Variants in SHROOM4 observed in about 807,000 individuals in gnomAD.
SHROOM4 encodes the protein protein Shroom4.
Under a neutral mutation model 80.3 loss-of-function variants are expected in SHROOM4, and 17 were observed. The observed-to-expected ratio is 0.21, with a 90% CI of 0.14 to 0.32. The LOEUF is 0.32. SHROOM4 is among the 10% of genes least tolerant of loss of function. SHROOM4 has a pLI of 1.00. For synonymous variants in SHROOM4, 400 were observed against 437.5 expected, an observed-to-expected ratio of 0.91 and a Z score of 1.07; for missense variants, 993 against 1,140.3, an observed-to-expected ratio of 0.87 and a Z score of 1.86.
chrX:50,784,696 C>T (rs1225864795), intron 1 of SHROOM4, among the ~76,000 whole-genome samples: 5 of 111,422 alleles, frequency 4.5e-5, no homozygotes, highest in East Asian at 2.8e-4. Context: ...ATAGTTACAT[C>T]GGTTAAGGCA....
At chrX:50,748,998 C>T (rs183496683) in intron 1 of SHROOM4, among the ~76,000 whole-genome samples, 252 of 112,286 alleles carry the variant, frequency 2.2e-3, no homozygotes, top group Middle Eastern at 9.3e-3. Flanking sequence ...ATTGCTTGAG[C>T]TCTGCAGTTC....
intron 2 of SHROOM4, among the ~76,000 whole-genome samples, chrX:50,641,446 C>T (rs1486803189): frequency 8.9e-6 from 1 of 111,969 alleles, no homozygotes; most frequent in Non-Finnish European, 1.9e-5. Flanking sequence ...GCCTGATGCA[C>T]AGCAAGTGGT....
chrX:50,744,006 G>A (rs1934723763), intron 1 of SHROOM4, among the ~76,000 whole-genome samples: 1 of 111,268 alleles, frequency 9.0e-6, no homozygotes, highest in Admixed American at 9.6e-5. Flanking sequence ...TATGTGATAA[G>A]TCATTTTCCT....
intron 8 of SHROOM4, 41 bp from the exon 9 acceptor site, chrX:50,597,005 C>T: frequency 8.4e-7 from 1 of 1,194,053 alleles, no homozygotes; most frequent in Non-Finnish European, 1.1e-6. Context: ...TCTCAATTAC[C>T]AGGCATCTGT....
At chrX:50,641,630 G>A (rs1275840953) in intron 2 of SHROOM4, among the ~76,000 whole-genome samples, 2 of 74,699 alleles carry the variant, frequency 2.7e-5, no homozygotes, top group Non-Finnish European at 5.2e-5. Flanking sequence ...TTTTTTTTTT[G>A]AGACGAAGTC....
chrX:50,668,267 TGG>T (rs1932752469), intron 2 of SHROOM4, among the ~76,000 whole-genome samples: 1 of 111,220 alleles, frequency 9.0e-6, no homozygotes, highest in East Asian at 2.9e-4. Flanking sequence ...GGCGGCCTAG[TGG>T]GGTGTTAGAA....
chrX:50,610,352 T>TCTCTCACACACACACACACACACA (rs782591424), intron 5 of SHROOM4, among the ~76,000 whole-genome samples: 1 of 91,720 alleles, frequency 1.1e-5, no homozygotes, highest in African/African-American at 4.6e-5. Flanking sequence ...TCTCTCTCTC[T>TCTCTCACACACACACACACACACA]CACACACACA....
Position 50,634,756 on chromosome X carries a change from T to C in SHROOM4, c.1317A>G (p.Val439=). Residue 439 remains valine, a synonymous_variant, in exon 4 of 9, where the codon GTA becomes GTG. Transcript: ENST00000376020. The part of the protein sequence containing the change: ...RGSKGMELPP[V]QDGHQWTLSP... ...ACAGAGTCCACTGGTGCCCATCCTG[T>C]ACGGGTGGGAGCTCCATCCCTTTGC... 1 of 1,211,583 alleles carries C rather than the reference T, an allele frequency of 8.3e-7. No individual in the cohort carries two copies. The highest frequency in any genetic ancestry group is 1.7e-5 in the African/African-American group (1 of 57,763).
intron 2 of SHROOM4, among the ~76,000 whole-genome samples, chrX:50,654,760 A>G (rs781990518): frequency 1.1e-4 from 12 of 109,386 alleles, no homozygotes; most frequent in Non-Finnish European, 2.3e-4. Context: ...TTGATGTTTT[A>G]CTATTATAAT....
intron 1 of SHROOM4, among the ~76,000 whole-genome samples, chrX:50,735,693 T>C (rs1934468640): frequency 9.0e-6 from 1 of 111,045 alleles, no homozygotes; most frequent in Non-Finnish European, 1.9e-5. Context: ...TATATATAAA[T>C]GGCCAACAAA....
At chrX:50,663,465 C>T (rs911720380) in intron 2 of SHROOM4, among the ~76,000 whole-genome samples, 4 of 110,390 alleles carry the variant, frequency 3.6e-5, no homozygotes, top group African/African-American at 1.3e-4. Context: ...GAGCTCCTTA[C>T]ATCCAATCCA....
In SHROOM4 at chrX:50,661,813, A is replaced by C. The variant is rs371313583; in HGVS notation, c.270-23505T>G. On this transcript the variant is annotated intron_variant, in intron 2 of 8. Coordinates refer to ENST00000376020, the MANE Select transcript of SHROOM4 (RefSeq NM_020717.5). ...GCGTCTGGAGGACAACTCCGTGTGT[A>C]GAAATTTAACATGCAGTTGAAAATG... Among the ~76,000 whole-genome samples, 6 of 112,033 alleles carry C rather than the reference A, an allele frequency of 5.4e-5. No homozygotes were observed. In the East Asian group the frequency reaches 1.1e-3, roughly 21 times the overall value.
At chrX:50,605,078 C>T (rs1428060017) in intron 6 of SHROOM4, among the ~76,000 whole-genome samples, 1 of 111,627 alleles carries the variant, frequency 9.0e-6, no homozygotes. Flanking sequence ...CTTAAAGCTG[C>T]TTCCTTCTGG....
Position 50,594,488 on chromosome X carries a change from G to A in SHROOM4, c.*2207C>T. The A allele has an allele frequency of 9.0e-6, 1 of 111,607 alleles. No homozygotes were observed. Among genetic ancestry groups the A allele is most frequent in the East Asian group, 2.8e-4 (1 of 3,552 alleles). The allele number at this position is 111,607 out of a possible 1,213,427, so 9.2% of individuals were successfully genotyped here. Reference sequence around the variant, plus strand: ...GTATTTTTGGTGTCATAAACTTAAGGTACAACCAATCACATGCTGACTAGA... The same window carrying A: ...GTATTTTTGGTGTCATAAACTTAAGATACAACCAATCACATGCTGACTAGA... On this transcript the variant is annotated 3_prime_UTR_variant, in exon 9 of 9. Transcript: ENST00000376020.
chrX:50,808,887 G>T (rs1936279063), intron 1 of SHROOM4, among the ~76,000 whole-genome samples: 1 of 110,728 alleles, frequency 9.0e-6, no homozygotes, highest in South Asian at 3.9e-4. Context: ...GGCTCTCAAT[G>T]GGGTACCAGG....
intron 5 of SHROOM4, among the ~76,000 whole-genome samples, chrX:50,623,394 G>T (rs1930660826): frequency 9.0e-6 from 1 of 110,992 alleles, no homozygotes; most frequent in Admixed American, 9.6e-5. Context: ...CACCATGTTG[G>T]CCAAGCTGGT....
chrX:50,583,384 A>G (rs1336788801), downstream of SHROOM4, among the ~76,000 whole-genome samples: 2 of 111,104 alleles, frequency 1.8e-5, no homozygotes, highest in African/African-American at 3.3e-5. Flanking sequence ...GATGGCCTCC[A>G]TGTTCCTCAC....
At chrX:50,780,959 G>T (rs1557270603) in intron 1 of SHROOM4, among the ~76,000 whole-genome samples, 1 of 111,612 alleles carries the variant, frequency 9.0e-6, no homozygotes, top group African/African-American at 3.3e-5. Flanking sequence ...TGTGGTTCCA[G>T]TCCAAGCCAA....
intron 1 of SHROOM4, among the ~76,000 whole-genome samples, chrX:50,700,371 G>C (rs1196360284): frequency 8.9e-6 from 1 of 111,813 alleles, no homozygotes; most frequent in African/African-American, 3.3e-5. Context: ...TCATCAATTT[G>C]GCCTTTTCTG....
Sources: gnomAD v4.1 joint callset for allele counts (sites outside exome capture counted in the v4.1 genomes callset) on GRCh38, gnomAD v4.1.1 for gene constraint, MANE v1.5 for transcripts, NCBI Gene and HGNC (gene_info 2026-07-23, HGNC 2026-07-21) for gene names.